The following PPARA variants were observed in gnomAD, a reference collection of about 807,000 sequenced individuals.
The protein encoded by PPARA is peroxisome proliferator-activated receptor alpha.
Under a neutral mutation model 42.2 loss-of-function variants are expected in PPARA, and 22 were observed. The observed-to-expected ratio is 0.52, with a 90% CI of 0.37 to 0.74. PPARA has a LOEUF of 0.74. Among genes scored for constraint, PPARA ranks in the 30% least tolerant of loss-of-function variants. The pLI is 0.00. For synonymous variants in PPARA, 242 were observed against 239.3 expected, an observed-to-expected ratio of 1.01 and a Z score of -0.10; for missense variants, 465 against 608.2, an observed-to-expected ratio of 0.76 and a Z score of 2.48.
rs140085887 is a variant in PPARA, at chr22:46,195,221, T to C, written c.-42-3121T>C. Among the ~76,000 whole-genome samples the C allele has an allele frequency of 1.6e-3, 246 of 152,296 alleles. No homozygotes were observed. The highest frequency in any genetic ancestry group is 5.6e-3 in the African/African-American group (231 of 41,556). On this transcript the variant is annotated intron_variant, in intron 3 of 8. Coordinates refer to ENST00000407236, the MANE Select transcript of PPARA (RefSeq NM_005036.6). The surrounding 1 kb of genome is among the most constrained non-coding windows in gnomAD (Gnocchi z 4.6). ...CCCGGCCCCAGCTACTTGCTTTCTA[T>C]TGGGATGAACCTCATGGTTAATACA...
At chr22:46,209,414 G>A (rs536831092) in intron 4 of PPARA, among the ~76,000 whole-genome samples, 4 of 152,114 alleles carry the variant, frequency 2.6e-5, no homozygotes, top group South Asian at 2.1e-4. Flanking sequence ...CTTTTTTGTC[G>A]TTCTCTGTCT....
Position 46,233,367 on chromosome 22 carries a change from C to T in PPARA, c.1159+1128C>T, listed in dbSNP as rs971384770. Among the ~76,000 whole-genome samples the T allele has an allele frequency of 1.3e-5, 2 of 152,168 alleles. No homozygotes were observed. The highest frequency in any genetic ancestry group is 4.8e-5 in the African/African-American group (2 of 41,432). ...GGTGTCACGTTCCTTTAAATAGCCC[C>T]ATCTCAGGTCTAGGAAGGTCATCCA... On this transcript the variant is annotated intron_variant, in intron 8 of 8. Coordinates refer to ENST00000407236, the MANE Select transcript of PPARA (RefSeq NM_005036.6). The surrounding 1 kb of genome is among the most constrained non-coding windows in gnomAD (Gnocchi z 7.3).
chr22:46,178,156 C>T (rs1020064324), intron 3 of PPARA, among the ~76,000 whole-genome samples: 2 of 152,244 alleles, frequency 1.3e-5, no homozygotes, highest in Admixed American at 6.5e-5. Flanking sequence ...AACAGTTTAT[C>T]TACTTTGAAA....
Position 46,233,005 on chromosome 22 carries a change from T to TAC in PPARA, c.1159+786_1159+787dup, listed in dbSNP as rs34036883. On this transcript the variant is annotated intron_variant, in intron 8 of 8. Coordinates refer to ENST00000407236, the MANE Select transcript of PPARA (RefSeq NM_005036.6). The surrounding 1 kb of genome is among the most constrained non-coding windows in gnomAD (Gnocchi z 7.3). ...TCAAAAAAAAAAAAAAAAAAAATTA[T>TAC]ACACACACACACACACACACATTTC... 3.3e-3 allele frequency among the ~76,000 whole-genome samples: 455 copies of TAC among 138,734 alleles called. 2 individuals are homozygous for TAC. Among genetic ancestry groups the TAC allele is most frequent in the East Asian group, 5.8e-3 (29 of 5,034 alleles). 91.0% of individuals were successfully genotyped at this position (138,734 alleles called of 152,430 possible).
rs1925276817 is a variant in PPARA at position 46,156,227 on chromosome 22, T to C, written c.-127+4257T>C. On this transcript the variant is annotated intron_variant, in intron 2 of 8. Coordinates refer to ENST00000407236, the MANE Select transcript of PPARA (RefSeq NM_005036.6). The surrounding 1 kb of genome is among the most constrained non-coding windows in gnomAD (Gnocchi z 5.2). ...GTCATTAATCATGAGATTTGGATTC[T>C]AGCCCCTTAGCTGCTGCCTGCCAGG... is the stretch of plus-strand genomic sequence containing the variant. 1 of 152,238 alleles carries C rather than the reference T, an allele frequency of 6.6e-6. No homozygotes were observed. The highest frequency in any genetic ancestry group is 1.5e-5 in the Non-Finnish European group (1 of 68,038). 9.4% of individuals were successfully genotyped at this position (152,238 alleles called of 1,614,324 possible).
At chr22:46,215,134 T>C in intron 4 of PPARA, 39 bp from the exon 5 acceptor site, 7 of 1,606,750 alleles carry the variant, frequency 4.4e-6, no homozygotes, top group African/African-American at 1.3e-5. Flanking sequence ...AGGATAGTGA[T>C]GCCTGGACTA....
Position 46,187,777 on chromosome 22 carries a change from G to A in PPARA, c.-42-10565G>A, listed in dbSNP as rs1931017701. Reference sequence around the variant, plus strand: ...CTCTTGCCACTTCTCCCTTGAGGTAGATCAAAAATGGTCACAAGTTCTTTG... The same window carrying A: ...CTCTTGCCACTTCTCCCTTGAGGTAAATCAAAAATGGTCACAAGTTCTTTG... On this transcript the variant is annotated intron_variant, in intron 3 of 8. Transcript: ENST00000407236. This position sits in a 1 kb window ranked among gnomAD's most constrained non-coding sequence, Gnocchi z 4.9. 6.6e-6 allele frequency among the ~76,000 whole-genome samples: 1 copy of A among 152,196 alleles called. No individual in the cohort carries two copies. The highest frequency in any genetic ancestry group is 1.5e-5 in the Non-Finnish European group (1 of 68,038).
At position 46,161,511 on chromosome 22, in the gene PPARA, G is replaced by C. The variant is rs1000818957; in HGVS notation, c.-127+9541G>C. Among the ~76,000 whole-genome samples the C allele has an allele frequency of 2.0e-5, 3 of 152,118 alleles. No individual in the cohort carries two copies. Among genetic ancestry groups the C allele is most frequent in the African/African-American group, 7.2e-5 (3 of 41,410 alleles). ...TGAGGCAGGAGAATCACTTGAACCC[G>C]GGAGGCGGAGGCTGCAGTGAACCAA... On this transcript the variant is annotated intron_variant, in intron 2 of 8. Transcript: ENST00000407236. This position sits in a 1 kb window ranked among gnomAD's most constrained non-coding sequence, Gnocchi z 4.8.
In PPARA at chr22:46,198,587, C is replaced by T. The variant is rs959210933; in HGVS notation, c.204C>T (p.Ile68=). The T allele has an allele frequency of 2.5e-6, 4 of 1,612,306 alleles. No individual in the cohort carries two copies. Among genetic ancestry groups the T allele is most frequent in the Admixed American group, 1.7e-5 (1 of 59,914 alleles). Residue 68 remains isoleucine, a synonymous_variant, in exon 4 of 9, where the codon ATC becomes ATT. Coordinates refer to ENST00000407236, the MANE Select transcript of PPARA (RefSeq NM_005036.6). The stretch of plus-strand genomic sequence containing the variant: ...GTCCTGGCTCAGATGGCTCGGTCAT[C>T]ACGGGTAAGTGTGCCGTTTCCTAGA... ...GSCPGSDGSV[I]TDTLSPASSP... is the part of the protein sequence containing the mutation.
chr22:46,183,363 CAA>C lies in PPARA; in HGVS notation c.-43+6528_-43+6529del, dbSNP rs1354072683. On this transcript the variant is annotated intron_variant, in intron 3 of 8. Transcript: ENST00000407236. This position sits in a 1 kb window ranked among gnomAD's most constrained non-coding sequence, Gnocchi z 5.5. The stretch of plus-strand genomic sequence containing the variant: ...CATCTCTAAACTTGACTGAAGACTC[CAA>C]GAGAGAGTAATATTCATCAAGAGGA... 2.0e-5 allele frequency among the ~76,000 whole-genome samples: 3 copies of C among 152,108 alleles called. No individual in the cohort carries two copies. The highest frequency in any genetic ancestry group is 6.6e-5 in the Admixed American group (1 of 15,264).
rs1925916292 is a variant in PPARA, at chr22:46,160,035, C to T, written c.-127+8065C>T. On this transcript the variant is annotated intron_variant, in intron 2 of 8. Transcript: ENST00000407236. This position sits in a 1 kb window ranked among gnomAD's most constrained non-coding sequence, Gnocchi z 4.5. ...GACTGGAAGACGCCGACCACCACTG[C>T]AGCAGCCTGAAAACCACAGTCTTGA... 6.6e-6 allele frequency among the ~76,000 whole-genome samples: 1 copy of T among 152,086 alleles called. No individual in the cohort carries two copies. Among genetic ancestry groups the T allele is most frequent in the African/African-American group, 2.4e-5 (1 of 41,402 alleles).
rs1335813552 is a variant in PPARA at position 46,191,731 on chromosome 22, GAGTA to G, written c.-42-6605_-42-6602del. ...ACAGACCATCACTGGGTTACTCCTGGAGTAAGTAATTCCCAAGAGCTCCTTCTGT... is the reference window on the plus strand; with the variant it reads ...ACAGACCATCACTGGGTTACTCCTGGAGTAATTCCCAAGAGCTCCTTCTGT... On this transcript the variant is annotated intron_variant, in intron 3 of 8. Coordinates refer to ENST00000407236, the MANE Select transcript of PPARA (RefSeq NM_005036.6). This position sits in a 1 kb window ranked among gnomAD's most constrained non-coding sequence, Gnocchi z 4.6. Among the ~76,000 whole-genome samples the G allele has an allele frequency of 2.6e-5, 4 of 152,172 alleles. No individual in the cohort carries two copies. Among genetic ancestry groups the G allele is most frequent in the Non-Finnish European group, 5.9e-5 (4 of 68,028 alleles).
At chr22:46,201,124 C>CAA (rs1361052121) in intron 4 of PPARA, among the ~76,000 whole-genome samples, 78 of 61,714 alleles carry the variant, frequency 1.3e-3, no homozygotes, top group African/African-American at 3.6e-3. Flanking sequence ...GATTCCGTCT[C>CAA]AAAAAAAAAA....
chr22:46,211,427 C>A lies in PPARA; in HGVS notation c.209-3746C>A, dbSNP rs539119831. 5.3e-5 allele frequency among the ~76,000 whole-genome samples: 8 copies of A among 152,300 alleles called. No individual in the cohort carries two copies. The highest frequency in any genetic ancestry group is 1.2e-4 in the Non-Finnish European group (8 of 68,030). The stretch of plus-strand genomic sequence containing the variant: ...ACAGCCAGATCCTTTTGCCTTTAGT[C>A]TTACAGATTCCAATCATTCCAAATT... On this transcript the variant is annotated intron_variant, in intron 4 of 8. Coordinates refer to ENST00000407236, the MANE Select transcript of PPARA (RefSeq NM_005036.6). This position sits in a 1 kb window ranked among gnomAD's most constrained non-coding sequence, Gnocchi z 4.1.
intron 4 of PPARA, among the ~76,000 whole-genome samples, chr22:46,208,460 A>G (rs1933604665): frequency 6.6e-6 from 1 of 151,828 alleles, no homozygotes; most frequent in Admixed American, 6.6e-5. Context: ...AGGCAGGAGA[A>G]TCACTTGAAC....
Position 46,240,234 on chromosome 22 carries a change from C to T in PPARA, c.*4854C>T, listed in dbSNP as rs1173739265. ...TTTCAAAGCAGGTTCCTGTGGTCTC[C>T]TCAGCTGTTTGAGGGGGTAACAGCA... On this transcript the variant is annotated 3_prime_UTR_variant, in exon 9 of 9. Transcript: ENST00000407236. This position sits in a 1 kb window ranked among gnomAD's most constrained non-coding sequence, Gnocchi z 6.0. 2.8e-5 allele frequency: 11 copies of T among 398,690 alleles called. No individual in the cohort carries two copies. In the East Asian group the frequency reaches 3.9e-4, roughly 14 times the overall value. 24.7% of individuals were successfully genotyped at this position (398,690 alleles called of 1,614,324 possible). A position where few individuals can be genotyped will look rare whatever the true frequency, so the allele number is the denominator to read the frequency against.
rs1293586070 is a variant in PPARA, at chr22:46,235,397, C to A, written c.*17C>A. 1 of 1,612,202 alleles carries A rather than the reference C, an allele frequency of 6.2e-7. No homozygotes were observed. Among genetic ancestry groups the A allele is most frequent in the Admixed American group, 1.7e-5 (1 of 59,836 alleles). ...ATGTACTGAGTTCCTTCAGATCAGCCACACCTTTTCCAGGAGTTCTGAAGC... is the reference window on the plus strand; with the variant it reads ...ATGTACTGAGTTCCTTCAGATCAGCAACACCTTTTCCAGGAGTTCTGAAGC... On this transcript the variant is annotated 3_prime_UTR_variant, in exon 9 of 9. Transcript: ENST00000407236. The surrounding 1 kb of genome is among the most constrained non-coding windows in gnomAD (Gnocchi z 7.0).
chr22:46,188,276 G>C lies in PPARA; in HGVS notation c.-42-10066G>C, dbSNP rs1387340894. 6.6e-6 allele frequency among the ~76,000 whole-genome samples: 1 copy of C among 152,230 alleles called. No homozygotes were observed. The highest frequency in any genetic ancestry group is 2.4e-5 in the African/African-American group (1 of 41,462). ...ACATGTAACTGATACAACTCTTGGAGCCAGTTGTTCAGCCATTCTCAACCA... is the reference window on the plus strand; with the variant it reads ...ACATGTAACTGATACAACTCTTGGACCCAGTTGTTCAGCCATTCTCAACCA... On this transcript the variant is annotated intron_variant, in intron 3 of 8. Coordinates refer to ENST00000407236, the MANE Select transcript of PPARA (RefSeq NM_005036.6). The surrounding 1 kb of genome is among the most constrained non-coding windows in gnomAD (Gnocchi z 5.0).
chr22:46,178,832 C>T (rs544371163), intron 3 of PPARA, among the ~76,000 whole-genome samples: 2 of 152,178 alleles, frequency 1.3e-5, no homozygotes, highest in African/African-American at 2.4e-5. Flanking sequence ...GACAAGAAAC[C>T]ATATCAGAAC....
Sources: gnomAD v4.1 joint callset for allele counts (sites outside exome capture counted in the v4.1 genomes callset) on GRCh38, gnomAD v4.1.1 for gene constraint, Gnocchi (gnomAD v3.1) non-coding constraint, MANE v1.5 for transcripts, NCBI Gene and HGNC (gene_info 2026-07-23, HGNC 2026-07-21) for gene names.